The following PXDNL variants were observed in gnomAD, a reference collection of about 807,000 sequenced individuals.
PXDNL encodes probable oxidoreductase PXDNL.
PXDNL carries 145 observed loss-of-function variants against 150.8 expected under a neutral mutation model. That is an observed-to-expected ratio of 0.96 (90% CI 0.84 to 1.10). The LOEUF (loss-of-function observed/expected upper bound fraction) is 1.10. Among genes scored for constraint, PXDNL ranks in the 50% least tolerant of loss-of-function variants. The pLI is 0.00. For missense variants in PXDNL, 2,087 were observed against 1,873.9 expected, an observed-to-expected ratio of 1.11 and a Z score of -2.10; for synonymous variants, 757 against 725.7, an observed-to-expected ratio of 1.04 and a Z score of -0.69.
chr8:51,651,625 G>T (rs1276849233), intron 2 of PXDNL, among the ~76,000 whole-genome samples: 1 of 152,116 alleles, frequency 6.6e-6, no homozygotes, highest in African/African-American at 2.4e-5. Flanking sequence ...TATTTCTGTT[G>T]TTGCTATTTA....
intron 1 of PXDNL, among the ~76,000 whole-genome samples, chr8:51,808,082 T>A (rs554090788): frequency 6.6e-6 from 1 of 152,378 alleles, no homozygotes; most frequent in South Asian, 2.1e-4. Flanking sequence ...TCATTTTCTA[T>A]GTAAATACCA....
At chr8:51,393,789 G>A (rs568478027) in intron 17 of PXDNL, among the ~76,000 whole-genome samples, 1 of 152,284 alleles carries the variant, frequency 6.6e-6, no homozygotes, top group African/African-American at 2.4e-5. Context: ...GAAGGAGTGT[G>A]GGCAGCCTCT....
At chr8:51,493,304 A>C (rs554417937) in intron 5 of PXDNL, among the ~76,000 whole-genome samples, 120 of 145,548 alleles carry the variant, frequency 8.2e-4, no homozygotes, top group Non-Finnish European at 1.3e-3. Context: ...TCAAAGACCA[A>C]AAGTAGATAA....
chr8:51,555,118 C>A (rs945368924), intron 4 of PXDNL, among the ~76,000 whole-genome samples: 1 of 152,116 alleles, frequency 6.6e-6, no homozygotes, highest in East Asian at 1.9e-4. Context: ...TTCGTTGGCT[C>A]ACAATTCTAG....
At chr8:51,677,021 C>T (rs1815639790) in intron 1 of PXDNL, among the ~76,000 whole-genome samples, 1 of 152,148 alleles carries the variant, frequency 6.6e-6, no homozygotes. Context: ...AATCATTAAG[C>T]CAAAACAGTT....
At chr8:51,522,655 C>A (rs968280379) in intron 4 of PXDNL, among the ~76,000 whole-genome samples, 4 of 152,152 alleles carry the variant, frequency 2.6e-5, no homozygotes, top group Admixed American at 2.0e-4. Context: ...ACCAGCCTGG[C>A]CAACATGATG....
intron 3 of PXDNL, among the ~76,000 whole-genome samples, chr8:51,564,835 C>T (rs893402085): frequency 5.9e-5 from 9 of 151,912 alleles, no homozygotes; most frequent in Non-Finnish European, 1.3e-4. Context: ...ATACATTAAC[C>T]TTGAATCTTA....
intron 13 of PXDNL, among the ~76,000 whole-genome samples, chr8:51,424,514 GAT>G (rs1444289487): frequency 7.2e-6 from 1 of 139,746 alleles, no homozygotes; most frequent in Non-Finnish European, 1.5e-5. Flanking sequence ...TAGCTACACT[GAT>G]ATGTGTATTA....
intron 16 of PXDNL, 60 bp downstream of exon 16, chr8:51,411,190 A>C (rs1180285957): frequency 3.8e-6 from 5 of 1,303,578 alleles, no homozygotes; most frequent in Non-Finnish European, 3.0e-6. Context: ...TCCTTTGCTA[A>C]GGTGGTGGTC....
intron 19 of PXDNL, among the ~76,000 whole-genome samples, chr8:51,354,300 C>T (rs553339570): frequency 3.3e-5 from 5 of 152,100 alleles, no homozygotes; most frequent in South Asian, 2.1e-4. Flanking sequence ...TCAATTTTAT[C>T]AGTAGAATTT....
At chr8:51,791,832 T>C (rs1257411953) in intron 1 of PXDNL, among the ~76,000 whole-genome samples, 2 of 152,164 alleles carry the variant, frequency 1.3e-5, no homozygotes, top group Non-Finnish European at 2.9e-5. Flanking sequence ...TCTTGAAAGT[T>C]AGATTTTTTT....
rs146385836 is a variant in PXDNL, at chr8:51,320,614, T to C, written c.4260+170A>G. On this transcript the variant is annotated intron_variant, in intron 22 of 22. Transcript: ENST00000356297. ...ATTAGATTGTGACTATACTCTTTTA[T>C]TAATAAGCAAAAGCCTCAAAATTTC... 360 of 576,192 alleles carry C rather than the reference T, an allele frequency of 6.2e-4. 1 individual carries two copies. The African/African-American group carries it at 6.2e-3, about 10-fold the overall frequency. 35.7% of individuals were successfully genotyped at this position (576,192 alleles called of 1,614,324 possible).
chr8:51,617,808 T>G (rs2130728535), intron 2 of PXDNL, among the ~76,000 whole-genome samples: 1 of 152,342 alleles, frequency 6.6e-6, no homozygotes, highest in South Asian at 2.1e-4. Flanking sequence ...GCAGAGCTAC[T>G]TCTCCCACTG....
At chr8:51,704,679 A>C (rs938275783) in intron 1 of PXDNL, among the ~76,000 whole-genome samples, 10 of 152,200 alleles carry the variant, frequency 6.6e-5, no homozygotes, top group Admixed American at 6.5e-5. Context: ...AATGTGGAGG[A>C]TGTGAAATAT....
chr8:51,390,370 G>A (rs910845384), intron 17 of PXDNL, among the ~76,000 whole-genome samples: 2 of 152,136 alleles, frequency 1.3e-5, no homozygotes, highest in Admixed American at 1.3e-4. Flanking sequence ...AACTCAGATA[G>A]ATCATGCAAT....
chr8:51,409,632 T>C (rs1808569981), intron 16 of PXDNL, 71 bp from the exon 17 acceptor site: 1 of 1,358,662 alleles, frequency 7.4e-7, no homozygotes. Context: ...GAACTCCAGA[T>C]GCTGCGGGAA....
At chr8:51,410,127 T>C (rs972166369) in intron 16 of PXDNL, among the ~76,000 whole-genome samples, 3 of 152,344 alleles carry the variant, frequency 2.0e-5, no homozygotes, top group Non-Finnish European at 4.4e-5. Flanking sequence ...ATGGATCATG[T>C]GAATATTAAC....
intron 20 of PXDNL, among the ~76,000 whole-genome samples, chr8:51,344,580 C>G (rs976615624): frequency 6.6e-6 from 1 of 152,218 alleles, no homozygotes; most frequent in East Asian, 1.9e-4. Context: ...CTCTGCACTA[C>G]TCACTCCATG....
chr8:51,426,668 T>C lies in PXDNL; in HGVS notation c.1616A>G (p.Gln539Arg), dbSNP rs1809110391. 6.2e-7 allele frequency: 1 copy of C among 1,600,042 alleles called. No homozygotes were observed. Among genetic ancestry groups the C allele is most frequent in the Non-Finnish European group, 8.6e-7 (1 of 1,169,312 alleles). Residue 539 changes from glutamine to arginine, a missense_variant, in exon 13 of 23, where the codon CAG becomes CGG. Physicochemically the swap from Gln to Arg is conservative, Grantham distance 43. Transcript: ENST00000356297. Reference protein sequence around the residue: ...NISCHAQGEPQPIITWNKEGV... With the variant: ...NISCHAQGEPRPIITWNKEGV... ...TACCTTATTCCAAGTAATTATGGGC[T>C]GTGGTTCTCCTTGAGCATGACATGA...
Sources: gnomAD v4.1 joint callset for allele counts (sites outside exome capture counted in the v4.1 genomes callset) on GRCh38, gnomAD v4.1.1 for gene constraint, MANE v1.5 for transcripts, NCBI Gene and HGNC (gene_info 2026-07-23, HGNC 2026-07-21) for gene names.